PKM: variants seen among roughly 807,000 people sequenced by gnomAD.
PKM encodes pyruvate kinase PKM.
PKM carries 18 observed loss-of-function variants against 49.8 expected under a neutral mutation model. The ratio of observed to expected loss-of-function variants is 0.36; its 90% CI spans 0.25 to 0.54. The LOEUF (loss-of-function observed/expected upper bound fraction) is 0.54. Among genes scored for constraint, PKM ranks in the 20% least tolerant of loss-of-function variants. The pLI is 0.89. For missense variants in PKM, 508 were observed against 713.8 expected, an observed-to-expected ratio of 0.71 and a Z score of 3.28; for synonymous variants, 239 against 261.8, an observed-to-expected ratio of 0.91 and a Z score of 0.84.
At chr15:72,218,842 A>G (rs1321306525) in intron 2 of PKM, 102 bp downstream of exon 2, 8 of 1,189,866 alleles carry the variant, frequency 6.7e-6, no homozygotes, top group South Asian at 2.6e-5. Context: ...GTAGTATCCC[A>G]TGTAGCACCT....
chr15:72,220,857 C>T (rs977670358), intron 1 of PKM, among the ~76,000 whole-genome samples: 2 of 152,186 alleles, frequency 1.3e-5, no homozygotes, highest in Non-Finnish European at 1.5e-5. Flanking sequence ...TGGTCCCTTT[C>T]CCTACACTCA....
intron 8 of PKM, chr15:72,203,819 G>T (rs943630277): frequency 6.5e-6 from 1 of 153,406 alleles, no homozygotes. Context: ...GAACAGCCAT[G>T]TGAAGAGACA....
intron 3 of PKM, among the ~76,000 whole-genome samples, chr15:72,212,898 C>T (rs1567118517): frequency 6.6e-6 from 1 of 152,006 alleles, no homozygotes; most frequent in East Asian, 1.9e-4. Context: ...GGTGAAACCC[C>T]GTCTCTACTA....
chr15:72,227,919 T>A (rs777456921), intron 1 of PKM, among the ~76,000 whole-genome samples: 13 of 152,074 alleles, frequency 8.5e-5, no homozygotes, highest in Non-Finnish European at 2.9e-5. Context: ...CTTTAGGAAA[T>A]AAAATGGTTT....
In PKM at chr15:72,206,819, T is replaced by C. The variant is rs1219959521; in HGVS notation, c.1049A>G (p.Asn350Ser). ...GCAGTCGGCTCCATCCAGGACTGCA[T>C]TGGCCACATCACTGCCTTCAGCCCG... is the stretch of plus-strand genomic sequence containing the variant. ...PTRAEGSDVA[N>S]AVLDGADCIM... The change falls in exon 8 of 11, where the codon AAT becomes AGT. Residue 350 changes from asparagine (N) to serine (S), a missense_variant. Coordinates refer to ENST00000335181, the MANE Select transcript of PKM (RefSeq NM_002654.6). 3.7e-6 allele frequency: 6 copies of C among 1,614,040 alleles called. No homozygotes were observed. Among genetic ancestry groups the C allele is most frequent in the East Asian group, 2.2e-5 (1 of 44,892 alleles).
At chr15:72,212,173 G>C (rs949519775) in intron 3 of PKM, among the ~76,000 whole-genome samples, 2 of 152,092 alleles carry the variant, frequency 1.3e-5, no homozygotes, top group African/African-American at 4.8e-5. Flanking sequence ...AATAGAAATA[G>C]AACAAAATAG....
intron 3 of PKM, among the ~76,000 whole-genome samples, chr15:72,212,484 G>GGA (rs2082278980): frequency 7.5e-6 from 1 of 133,056 alleles, no homozygotes; most frequent in Non-Finnish European, 1.6e-5. Context: ...GTCTCTAAAA[G>GGA]AAAAAAAAAA....
At chr15:72,226,452 C>T (rs544514180) in intron 1 of PKM, among the ~76,000 whole-genome samples, 3 of 152,292 alleles carry the variant, frequency 2.0e-5, no homozygotes, top group Admixed American at 6.5e-5. Flanking sequence ...ATGGCATGAA[C>T]CCGGGAGGCG....
intron 6 of PKM, among the ~76,000 whole-genome samples, chr15:72,207,880 G>C (rs1367776474): frequency 1.3e-5 from 2 of 152,236 alleles, no homozygotes; most frequent in Non-Finnish European, 2.9e-5. Context: ...CACTACAGTG[G>C]GTGCACAGGG....
Position 72,207,297 on chromosome 15 carries a change from G to C in PKM, c.837-20C>G. The C allele has an allele frequency of 6.2e-7, 1 of 1,613,278 alleles. No homozygotes were observed. Among genetic ancestry groups the C allele is most frequent in the Non-Finnish European group, 8.5e-7 (1 of 1,179,218 alleles). On this transcript the variant is annotated intron_variant, in intron 6 of 10. Coordinates refer to ENST00000335181, the MANE Select transcript of PKM (RefSeq NM_002654.6). ...TCAAACCTGATGGACAAAGTTGGGG[G>C]GAGAGAGGTTATATAGAACAGAGGC... is the stretch of plus-strand genomic sequence containing the variant.
In PKM at chr15:72,199,514, T is replaced by C. The variant is rs1386578870; in HGVS notation, c.*136A>G. On this transcript the variant is annotated 3_prime_UTR_variant, in exon 11 of 11. Transcript: ENST00000335181. ...ACACAGCCATGTTTCAGTGAGGCGT[T>C]GATCTTCTTCCCTGGTGTCCCAACC... is the stretch of plus-strand genomic sequence containing the variant. 3 of 725,660 alleles carry C rather than the reference T, an allele frequency of 4.1e-6. No homozygotes were observed. The East Asian group carries it at 8.0e-5, about 19-fold the overall frequency. The allele number at this position is 725,660 out of a possible 1,614,324, so 45.0% of individuals were successfully genotyped here. A position where few individuals can be genotyped will look rare whatever the true frequency, so the allele number is the denominator to read the frequency against.
intron 1 of PKM, chr15:72,228,668 G>A (rs1327213893): frequency 2.4e-6 from 3 of 1,276,506 alleles, no homozygotes; most frequent in African/African-American, 3.1e-5. Flanking sequence ...TTGGTGATAC[G>A]TTACATTTCC....
intron 1 of PKM, among the ~76,000 whole-genome samples, chr15:72,228,056 A>AATG (rs1467066077): frequency 2.0e-5 from 3 of 152,226 alleles, no homozygotes; most frequent in African/African-American, 7.2e-5. Flanking sequence ...TTAAAGAGCT[A>AATG]ATGATGCTCT....
chr15:72,210,517 A>G (rs200698142), intron 3 of PKM, 39 bp from the exon 4 acceptor site: 3 of 1,613,218 alleles, frequency 1.9e-6, no homozygotes, highest in Middle Eastern at 1.6e-4. Context: ...GTGCTCCCAC[A>G]CTAGAATCCA....
At chr15:72,210,541 TGCCCAGGA>T in intron 3 of PKM, 63 bp from the exon 4 acceptor site, 1 of 1,597,330 alleles carries the variant, frequency 6.3e-7, no homozygotes, top group Non-Finnish European at 8.6e-7. Flanking sequence ...CCAATTCCCC[TGCCCAGGA>T]GCCAAAGCTG....
In PKM at chr15:72,218,983, G is replaced by C; in HGVS notation, c.115C>G (p.Pro39Ala). ...HMCRLDIDSP[P>A]ITARNTGIIC... ...ATGCCAGTGTTCCGGGCTGTGATGG[G>C]TGGTGAATCAATGTCCAGGCGGCAC... The change falls in exon 2 of 11, where the codon CCC (proline) becomes GCC (alanine). Residue 39 changes from proline (P) to alanine (A), a missense_variant. By Grantham distance (27) the Pro-to-Ala change is conservative. Transcript: ENST00000335181. The C allele has an allele frequency of 6.2e-7, 1 of 1,614,184 alleles. No individual in the cohort carries two copies. Among genetic ancestry groups the C allele is most frequent in the South Asian group, 1.1e-5 (1 of 91,088 alleles).
At chr15:72,218,131 CTT>C (rs952401282) in intron 2 of PKM, among the ~76,000 whole-genome samples, 1 of 147,392 alleles carries the variant, frequency 6.8e-6, no homozygotes. Context: ...TTTTTTCTTC[CTT>C]TTTTTTTTGA....
chr15:72,200,206 C>T lies in PKM; in HGVS notation c.1489+268G>A, dbSNP rs887595717. On this transcript the variant is annotated intron_variant, in intron 10 of 10. Coordinates refer to ENST00000335181, the MANE Select transcript of PKM (RefSeq NM_002654.6). This position sits in a 1 kb window ranked among gnomAD's most constrained non-coding sequence, Gnocchi z 4.6. ...AAAAAATGGACAATTTTGCTTTGAG[C>T]CCCAGACTAGAAGAGAAGAGGAACT... is the stretch of plus-strand genomic sequence containing the variant. Among the ~76,000 whole-genome samples, 8 of 152,236 alleles carry T rather than the reference C, an allele frequency of 5.3e-5. No individual in the cohort carries two copies. The highest frequency in any genetic ancestry group is 5.2e-4 in the Admixed American group (8 of 15,282).
chr15:72,218,654 C>T (rs540739270), intron 2 of PKM, among the ~76,000 whole-genome samples: 4 of 148,350 alleles, frequency 2.7e-5, no homozygotes, highest in Middle Eastern at 3.4e-3. Flanking sequence ...TCTCAAATTT[C>T]GAGGCTCAGG....
Sources: allele counts gnomAD v4.1 joint callset (sites outside exome capture counted in the v4.1 genomes callset), GRCh38; gene constraint gnomAD v4.1.1; non-coding constraint Gnocchi (gnomAD v3.1); transcripts MANE v1.5; gene names NCBI Gene and HGNC (gene_info 2026-07-23, HGNC 2026-07-21).